Variants in HIRA observed in about 807,000 individuals in gnomAD.
HIRA encodes the protein protein HIRA.
In HIRA, 13 loss-of-function variants were observed where a neutral mutation model predicts 126.6. The observed-to-expected ratio is 0.10, with a 90% CI of 0.07 to 0.16. The LOEUF (loss-of-function observed/expected upper bound fraction) is 0.16, where lower values mean the gene tolerates loss of function less well. Among genes scored for constraint, HIRA ranks in the 10% least tolerant of loss-of-function variants. The probability of loss-of-function intolerance (pLI) is 1.00; values close to 1 mark genes in which losing one functional copy is unlikely to be tolerated. For missense variants in HIRA, 834 were observed against 1,314.4 expected (o/e 0.63, Z 5.65); for synonymous variants, 511 against 520.0 (o/e 0.98, Z 0.24).
At position 19,334,267 on chromosome 22, in the gene HIRA, A is replaced by G. The variant is rs185839425; in HGVS notation, c.2938-2711T>C. Reference sequence around the variant, plus strand: ...TGGGATTACAGGCATGAGCCACTGCACCCGGCCCTCATTTTCTTCATATAT... The same window carrying G: ...TGGGATTACAGGCATGAGCCACTGCGCCCGGCCCTCATTTTCTTCATATAT... On this transcript the variant is annotated intron_variant, in intron 24 of 24. Coordinates refer to ENST00000263208, the MANE Select transcript of HIRA (RefSeq NM_003325.4). Among the ~76,000 whole-genome samples, 893 of 149,630 alleles carry G rather than the reference A, an allele frequency of 6.0e-3. 14 individuals are homozygous for G. Among genetic ancestry groups the G allele is most frequent in the African/African-American group, 0.019 (794 of 40,748 alleles).
chr22:19,400,704 T>C (rs1288843107), intron 5 of HIRA, among the ~76,000 whole-genome samples: 2 of 152,178 alleles, frequency 1.3e-5, no homozygotes, highest in African/African-American at 2.4e-5. Context: ...TTTACATTTC[T>C]GGCCACTGTT....
At chr22:19,405,487 G>A in intron 5 of HIRA, 1 of 985,318 alleles carries the variant, frequency 1.0e-6, no homozygotes, top group Non-Finnish European at 1.2e-6. Flanking sequence ...GCTGATGAAG[G>A]TACTGATTCT....
At chr22:19,421,085 G>T (rs1022242566) in intron 1 of HIRA, among the ~76,000 whole-genome samples, 7 of 152,132 alleles carry the variant, frequency 4.6e-5, no homozygotes, top group African/African-American at 9.7e-5. Flanking sequence ...ATCACCTGAG[G>T]TCAGGAGTTC....
At chr22:19,429,766 G>A (rs2089516730) in intron 1 of HIRA, among the ~76,000 whole-genome samples, 1 of 152,184 alleles carries the variant, frequency 6.6e-6, no homozygotes, top group Non-Finnish European at 1.5e-5. Flanking sequence ...AAAGGAACAA[G>A]TTATATGACA....
intron 1 of HIRA, among the ~76,000 whole-genome samples, chr22:19,426,110 A>G (rs994279498): frequency 6.6e-6 from 1 of 152,046 alleles, no homozygotes; most frequent in African/African-American, 2.4e-5. Context: ...CATTAATTCT[A>G]CCTCTACCCT....
chr22:19,336,863 C>T (rs1251001354), intron 24 of HIRA, among the ~76,000 whole-genome samples: 1 of 152,170 alleles, frequency 6.6e-6, no homozygotes, highest in Admixed American at 6.5e-5. Context: ...CAAGGGATCA[C>T]CCTGTGGGAC....
chr22:19,342,542 ATGGT>A (rs1556007842), intron 24 of HIRA, among the ~76,000 whole-genome samples: 28 of 152,242 alleles, frequency 1.8e-4, no homozygotes, highest in Admixed American at 7.8e-4. Context: ...ATGCGCCACC[ATGGT>A]TGGCTAATTT....
chr22:19,415,012 C>A (rs564211770), intron 1 of HIRA, among the ~76,000 whole-genome samples: 3 of 152,126 alleles, frequency 2.0e-5, no homozygotes, highest in Admixed American at 2.0e-4. Flanking sequence ...GTAACGCAAT[C>A]TCAGCTCACT....
At chr22:19,424,777 G>A (rs1166466037) in intron 1 of HIRA, among the ~76,000 whole-genome samples, 1 of 152,198 alleles carries the variant, frequency 6.6e-6, no homozygotes, top group African/African-American at 2.4e-5. Context: ...GTTTCCATCT[G>A]TGAACTGTAA....
intron 1 of HIRA, among the ~76,000 whole-genome samples, chr22:19,416,464 G>A (rs1251874951): frequency 6.6e-6 from 1 of 151,960 alleles, no homozygotes; most frequent in Non-Finnish European, 1.5e-5. Context: ...GTTGGGGACT[G>A]AGGGCACAAC....
chr22:19,429,030 T>C (rs1334553214), intron 1 of HIRA, among the ~76,000 whole-genome samples: 3 of 152,124 alleles, frequency 2.0e-5, no homozygotes, highest in African/African-American at 7.2e-5. Context: ...AATTTACCTC[T>C]TGACAGTCCT....
chr22:19,342,163 AAAG>A (rs1424386635), intron 24 of HIRA, among the ~76,000 whole-genome samples: 25 of 152,348 alleles, frequency 1.6e-4, no homozygotes, highest in African/African-American at 5.8e-4. Context: ...ACAATTCTCA[AAAG>A]AAGATATACA....
rs201094975 is a variant in HIRA at position 19,413,750 on chromosome 22, T to C, written c.38-2972A>G. ...CCTCAGCCTCCTGAATAGCTGGGAC[T>C]ACAGGTGCCTGCTACCACGCCCAGC... On this transcript the variant is annotated intron_variant, in intron 1 of 24. Transcript: ENST00000263208. 2.0e-5 allele frequency among the ~76,000 whole-genome samples: 3 copies of C among 152,108 alleles called. No homozygotes were observed. The East Asian group carries it at 5.8e-4, about 29-fold the overall frequency.
chr22:19,336,169 G>C (rs1356068744), intron 24 of HIRA, among the ~76,000 whole-genome samples: 1 of 152,204 alleles, frequency 6.6e-6, no homozygotes, highest in African/African-American at 2.4e-5. Context: ...AGATGGAGGA[G>C]GCAGGTGGAA....
At chr22:19,422,944 CACG>C (rs756661657) in intron 1 of HIRA, among the ~76,000 whole-genome samples, 4 of 152,164 alleles carry the variant, frequency 2.6e-5, no homozygotes, top group South Asian at 2.1e-4. Context: ...CACCCCAATC[CACG>C]ACAATTCTGA....
In HIRA at chr22:19,375,691, C is replaced by T. The variant is rs773632600; in HGVS notation, c.1715G>A (p.Arg572Gln). 9 of 1,614,026 alleles carry T rather than the reference C, an allele frequency of 5.6e-6. No homozygotes were observed. The highest frequency in any genetic ancestry group is 2.2e-5 in the East Asian group (1 of 44,886). The part of the protein sequence containing the change: ...MKAFDSRFTE[R>Q]SKATPGAPAL... ...AGGAGCACCTGGTGTGGCTTTGGAC[C>T]GCTCTGTGAACCGGGAGTCAAACGC... is the stretch of plus-strand genomic sequence containing the variant. The change falls in exon 15 of 25, where the codon CGG becomes CAG. Residue 572 changes from arginine (R) to glutamine (Q), a missense_variant. Arg to Gln is a conservative substitution (Grantham distance 43, BLOSUM62 1). Coordinates refer to ENST00000263208, the MANE Select transcript of HIRA (RefSeq NM_003325.4).
At chr22:19,339,663 G>GCTAAATT (rs1338529461) in intron 24 of HIRA, among the ~76,000 whole-genome samples, 46 of 150,220 alleles carry the variant, frequency 3.1e-4, no homozygotes, top group African/African-American at 1.1e-3. Flanking sequence ...ATCCAATTAA[G>GCTAAATT]CTAAATTAGA....
At chr22:19,353,895 C>G (rs1196596184) in intron 22 of HIRA, 101 bp downstream of exon 22, 2 of 1,413,460 alleles carry the variant, frequency 1.4e-6, no homozygotes, top group African/African-American at 2.8e-5. Context: ...AGGGGAAGGG[C>G]AGGTGGAGAC....
At chr22:19,385,780 G>A in intron 11 of HIRA, 44 bp from the exon 12 acceptor site, 1 of 1,564,936 alleles carries the variant, frequency 6.4e-7, no homozygotes, top group South Asian at 1.1e-5. Flanking sequence ...ATGAGTGCCA[G>A]TGTGGCCAGT....
Sources: gnomAD v4.1 joint callset for allele counts (sites outside exome capture counted in the v4.1 genomes callset) on GRCh38, gnomAD v4.1.1 for gene constraint, MANE v1.5 for transcripts, NCBI Gene and HGNC (gene_info 2026-07-23, HGNC 2026-07-21) for gene names.